ARB2A: variants seen among roughly 807,000 people sequenced by gnomAD.
The protein encoded by ARB2A is cotranscriptional regulator ARB2A.
At chr5:93,966,774 G>A in the ARB2A span, among the ~76,000 whole-genome samples, 207 of 152,154 alleles carry the variant, frequency 1.4e-3, 1 homozygote, top group East Asian at 0.018. Context: ...GTATGGCAAA[G>A]TGTCTCACCT....
the ARB2A span, among the ~76,000 whole-genome samples, chr5:93,691,863 C>T: frequency 2.6e-5 from 4 of 152,088 alleles, no homozygotes; most frequent in African/African-American, 4.8e-5. Context: ...ACTGTGGGGG[C>T]CAATATTCAA....
At chr5:94,029,814 T>C in the ARB2A span, among the ~76,000 whole-genome samples, 2 of 152,206 alleles carry the variant, frequency 1.3e-5, no homozygotes, top group African/African-American at 4.8e-5. Context: ...CTGAATCAAT[T>C]ATTTCAGTGA....
At chr5:93,996,389 T>G in the ARB2A span, among the ~76,000 whole-genome samples, 1 of 152,036 alleles carries the variant, frequency 6.6e-6, no homozygotes, top group Non-Finnish European at 1.5e-5. Context: ...AACAGGGGGC[T>G]TTTTGAACTT....
chr5:94,057,473 T>C, the ARB2A span, among the ~76,000 whole-genome samples: 47 of 152,278 alleles, frequency 3.1e-4, no homozygotes, highest in African/African-American at 1.1e-3. Context: ...TGGTGATGAC[T>C]GCACAACAAT....
At chr5:93,864,206 A>G in the ARB2A span, among the ~76,000 whole-genome samples, 1 of 152,182 alleles carries the variant, frequency 6.6e-6, no homozygotes, top group Non-Finnish European at 1.5e-5. Flanking sequence ...GAACTGTAAA[A>G]CCTTATTAAA....
chr5:94,035,196 C>CATATACATATACATATACAT, the ARB2A span, among the ~76,000 whole-genome samples: 1 of 129,630 alleles, frequency 7.7e-6, no homozygotes, highest in Non-Finnish European at 1.6e-5. Context: ...GGATCTTATA[C>CATATACATATACATATACAT]ATACATATAC....
chr5:94,000,152 G>A, the ARB2A span, among the ~76,000 whole-genome samples: 5 of 152,078 alleles, frequency 3.3e-5, no homozygotes, highest in African/African-American at 9.7e-5. Context: ...TCATGTGGAC[G>A]TAAGTTTCAA....
the ARB2A span, among the ~76,000 whole-genome samples, chr5:93,682,010 T>G: frequency 6.6e-6 from 1 of 152,192 alleles, no homozygotes; most frequent in Non-Finnish European, 1.5e-5. Flanking sequence ...ATATTGAAAT[T>G]CCATTATTTA....
the ARB2A span, chr5:93,683,790 G>A: frequency 3.8e-6 from 5 of 1,327,944 alleles, no homozygotes; most frequent in South Asian, 1.2e-5. Flanking sequence ...GAGAACAGCC[G>A]CGCAGGACGG....
At chr5:94,006,248 A>T in the ARB2A span, among the ~76,000 whole-genome samples, 2 of 152,352 alleles carry the variant, frequency 1.3e-5, no homozygotes, top group Non-Finnish European at 2.9e-5. Context: ...GATGAATCTT[A>T]TGCTGAGTAA....
the ARB2A span, among the ~76,000 whole-genome samples, chr5:93,646,910 A>T: frequency 6.6e-6 from 1 of 152,212 alleles, no homozygotes; most frequent in African/African-American, 2.4e-5. Context: ...CTTTACCAAG[A>T]TTCAACAATT....
chr5:93,991,079 G>A, the ARB2A span, among the ~76,000 whole-genome samples: 1 of 152,098 alleles, frequency 6.6e-6, no homozygotes, highest in African/African-American at 2.4e-5. Flanking sequence ...TGAAACTGCA[G>A]GAGACTAGAC....
At chr5:94,100,070 G>C in the ARB2A span, among the ~76,000 whole-genome samples, 1 of 152,200 alleles carries the variant, frequency 6.6e-6, no homozygotes. Flanking sequence ...TCCTTCAGCT[G>C]ATAAACAACT....
chr5:93,779,441 A>G, the ARB2A span, among the ~76,000 whole-genome samples: 4 of 152,222 alleles, frequency 2.6e-5, no homozygotes, highest in Admixed American at 2.0e-4. Context: ...GTTGAGATGA[A>G]CACTACCAAA....
the ARB2A span, among the ~76,000 whole-genome samples, chr5:93,657,238 A>G: frequency 6.6e-6 from 1 of 152,128 alleles, no homozygotes; most frequent in Non-Finnish European, 1.5e-5. Flanking sequence ...GGCATCCGCA[A>G]TTACTCTCAG....
the ARB2A span, among the ~76,000 whole-genome samples, chr5:93,698,428 CTGCCATAAA>C: frequency 6.6e-6 from 1 of 151,994 alleles, no homozygotes; most frequent in African/African-American, 2.4e-5. Context: ...CAGGGCTAGA[CTGCCATAAA>C]TGCCATATAA....
At chr5:94,028,115 T>A in the ARB2A span, among the ~76,000 whole-genome samples, 8 of 152,244 alleles carry the variant, frequency 5.3e-5, no homozygotes, top group Admixed American at 3.9e-4. Flanking sequence ...AAGAGCCTCT[T>A]ATTTTATTGC....
the ARB2A span, among the ~76,000 whole-genome samples, chr5:93,634,615 T>C: frequency 6.6e-6 from 1 of 152,172 alleles, no homozygotes; most frequent in Non-Finnish European, 1.5e-5. Flanking sequence ...AAATACAATT[T>C]ACTAGCATCA....
At chr5:93,647,830 C>A in the ARB2A span, among the ~76,000 whole-genome samples, 2 of 152,110 alleles carry the variant, frequency 1.3e-5, no homozygotes, top group East Asian at 1.9e-4. Context: ...AGTGCAGGAT[C>A]GCATTTTGAA....
Sources: gnomAD v4.1 joint callset for allele counts (sites outside exome capture counted in the v4.1 genomes callset) on GRCh38, gnomAD v4.1.1 for gene constraint, MANE v1.5 for transcripts, NCBI Gene and HGNC (gene_info 2026-07-23, HGNC 2026-07-21) for gene names.